The following OCA2 variants were observed in gnomAD, a reference collection of about 807,000 sequenced individuals.
The protein encoded by OCA2 is OCA2 melanosomal transmembrane protein, also known as P protein.
In OCA2, 77 loss-of-function variants were observed where a neutral mutation model predicts 100.2. The ratio of observed to expected loss-of-function variants is 0.77; its 90% CI spans 0.64 to 0.93. The LOEUF (loss-of-function observed/expected upper bound fraction) is 0.93. Among genes scored for constraint, OCA2 ranks in the 40% least tolerant of loss-of-function variants. OCA2 has a pLI of 0.00. For synonymous variants in OCA2, 432 were observed against 439.2 expected (o/e 0.98, Z 0.21); for missense variants, 1,062 against 1,089.1 (o/e 0.98, Z 0.35).
chr15:28,095,906 T>C (rs2044968988), intron 1 of OCA2, among the ~76,000 whole-genome samples: 2 of 151,956 alleles, frequency 1.3e-5, no homozygotes, highest in Non-Finnish European at 1.5e-5. Context: ...CACTGAACGC[T>C]CCCCTCCCCA....
chr15:27,986,121 G>T (rs2041344923), intron 12 of OCA2, among the ~76,000 whole-genome samples: 1 of 152,240 alleles, frequency 6.6e-6, no homozygotes, highest in Non-Finnish European at 1.5e-5. Context: ...GACAGGACAG[G>T]TACAAATCCT....
chr15:27,762,608 A>G (rs1339674418), intron 23 of OCA2, among the ~76,000 whole-genome samples: 2 of 152,094 alleles, frequency 1.3e-5, no homozygotes, highest in African/African-American at 4.8e-5. Context: ...TAGCCTGTGC[A>G]CCCGAACACT....
intron 22 of OCA2, among the ~76,000 whole-genome samples, chr15:27,850,666 T>C (rs756001123): frequency 2.6e-5 from 4 of 152,190 alleles, no homozygotes; most frequent in Non-Finnish European, 5.9e-5. Flanking sequence ...GAGGTATTGA[T>C]TTAATAGTCA....
At chr15:27,784,889 G>C (rs11635133) in intron 23 of OCA2, among the ~76,000 whole-genome samples, 78 of 78,356 alleles carry the variant, frequency 1.0e-3, no homozygotes, top group African/African-American at 1.2e-3. Context: ...CAGAAAGAGA[G>C]AGACAGAGAG....
intron 6 of OCA2, among the ~76,000 whole-genome samples, chr15:28,018,935 G>A (rs1023020734): frequency 6.6e-5 from 10 of 152,124 alleles, no homozygotes; most frequent in Admixed American, 4.6e-4. Flanking sequence ...CACCTTTCAG[G>A]ACCCCACTCT....
intron 9 of OCA2, among the ~76,000 whole-genome samples, chr15:28,010,880 A>G (rs2042220839): frequency 6.6e-6 from 1 of 152,218 alleles, no homozygotes; most frequent in African/African-American, 2.4e-5. Flanking sequence ...TAGCCAGAAC[A>G]ATTTTGGGAA....
chr15:27,805,303 G>T (rs753801664), intron 23 of OCA2, among the ~76,000 whole-genome samples: 2 of 152,250 alleles, frequency 1.3e-5, no homozygotes, highest in Non-Finnish European at 2.9e-5. Flanking sequence ...GCAGTAAATC[G>T]GAGGCGATAA....
At chr15:27,786,930 G>A (rs1461280635) in intron 23 of OCA2, among the ~76,000 whole-genome samples, 1 of 152,108 alleles carries the variant, frequency 6.6e-6, no homozygotes, top group African/African-American at 2.4e-5. Flanking sequence ...TTTGTAGACA[G>A]CCTTTACCAG....
At chr15:27,904,461 C>A (rs1441925877) in intron 19 of OCA2, among the ~76,000 whole-genome samples, 2 of 152,148 alleles carry the variant, frequency 1.3e-5, no homozygotes, top group African/African-American at 4.8e-5. Context: ...TTTCAGGGAA[C>A]TCTACTAGGG....
At chr15:27,918,218 C>G (rs564174162) in intron 19 of OCA2, among the ~76,000 whole-genome samples, 2 of 151,516 alleles carry the variant, frequency 1.3e-5, no homozygotes, top group African/African-American at 4.9e-5. Flanking sequence ...CTCAGCCTCC[C>G]GAGTATCTGG....
intron 23 of OCA2, chr15:27,776,332 C>A (rs1165154460): frequency 6.6e-6 from 1 of 152,506 alleles, no homozygotes; most frequent in Non-Finnish European, 1.5e-5. Context: ...TTCTTTCCTT[C>A]GCTCCATCCC....
chr15:27,934,826 G>T (rs1156389045), intron 18 of OCA2, among the ~76,000 whole-genome samples: 1 of 152,170 alleles, frequency 6.6e-6, no homozygotes, highest in African/African-American at 2.4e-5. Flanking sequence ...AAAATTCCCT[G>T]CAATAGCCTA....
chr15:27,734,098 C>T, the OCA2 span, among the ~76,000 whole-genome samples: 1 of 149,190 alleles, frequency 6.7e-6, no homozygotes, highest in African/African-American at 2.5e-5. Flanking sequence ...AGGCAGAGGT[C>T]GCAGTGGGCC....
intron 13 of OCA2, 72 bp downstream of exon 13, chr15:27,984,992 C>A: frequency 6.3e-7 from 1 of 1,587,482 alleles, no homozygotes; most frequent in South Asian, 1.1e-5. Flanking sequence ...AACCTGGAGC[C>A]AGGCAGTGCA....
chr15:27,747,147 C>T, the OCA2 span, among the ~76,000 whole-genome samples: 4 of 152,188 alleles, frequency 2.6e-5, no homozygotes, highest in South Asian at 2.1e-4. Context: ...AGCCCCCCAC[C>T]ACCAACAACC....
At chr15:27,733,449 C>T in the OCA2 span, among the ~76,000 whole-genome samples, 6 of 150,190 alleles carry the variant, frequency 4.0e-5, no homozygotes, top group African/African-American at 1.5e-4. Context: ...GCCCAGCATG[C>T]TCTTCCCTCA....
At chr15:27,740,052 A>G in the OCA2 span, among the ~76,000 whole-genome samples, 131,192 of 152,224 alleles carry the variant, frequency 0.86, 56,678 homozygotes, top group Non-Finnish European at 0.88. Flanking sequence ...GTAATAAAAC[A>G]AATTGGATGT....
At chr15:27,739,553 C>G in the OCA2 span, among the ~76,000 whole-genome samples, 3 of 146,684 alleles carry the variant, frequency 2.0e-5, no homozygotes, top group East Asian at 6.4e-4. Context: ...TCAAGTGATT[C>G]TCCTGCCTCA....
intron 9 of OCA2, among the ~76,000 whole-genome samples, chr15:28,001,199 A>G (rs1165008770): frequency 6.6e-6 from 1 of 152,184 alleles, no homozygotes; most frequent in Non-Finnish European, 1.5e-5. Flanking sequence ...AGATACAGAA[A>G]CAACCTAAGT....
Sources: allele counts gnomAD v4.1 joint callset (sites outside exome capture counted in the v4.1 genomes callset), GRCh38; gene constraint gnomAD v4.1.1; transcripts MANE v1.5; gene names NCBI Gene and HGNC (gene_info 2026-07-23, HGNC 2026-07-21).